Variants in CLYBL observed in about 807,000 individuals in gnomAD.
CLYBL encodes the protein citramalyl-CoA lyase, mitochondrial.
CLYBL carries 31 observed loss-of-function variants against 38.9 expected under a neutral mutation model. The observed-to-expected ratio is 0.80, with a 90% confidence interval of 0.60 to 1.08. The LOEUF (loss-of-function observed/expected upper bound fraction) is 1.08. CLYBL is among the 50% of genes least tolerant of loss of function. CLYBL has a pLI of 0.00. For missense variants in CLYBL, 434 were observed against 411.6 expected (o/e 1.05, Z -0.47); for synonymous variants, 171 against 158.6 (o/e 1.08, Z -0.59).
rs757176808 is a variant in CLYBL, at chr13:99,866,261, C to A, written c.656C>A (p.Thr219Asn). The A allele has an allele frequency of 8.1e-6, 13 of 1,613,746 alleles. No homozygotes were observed. Among genetic ancestry groups the A allele is most frequent in the Middle Eastern group, 3.3e-4 (2 of 5,984 alleles). ...ASIGATSSKE[T>N]LDILYARQKI... ...TCAGGTGCAACAAGTAGTAAAGAAACCCTGGATATTCTCTACGCCCGGCAA... is the reference window on the plus strand; with the variant it reads ...TCAGGTGCAACAAGTAGTAAAGAAAACCTGGATATTCTCTACGCCCGGCAA... Residue 219 changes from threonine (T) to asparagine (N), a missense_variant, in exon 6 of 9, where the codon ACC becomes AAC. Thr to Asn is a moderately conservative substitution (Grantham distance 65). Transcript: ENST00000339105.
intron 2 of CLYBL, among the ~76,000 whole-genome samples, chr13:99,816,980 C>A (rs1317477484): frequency 6.6e-6 from 1 of 152,160 alleles, no homozygotes; most frequent in East Asian, 1.9e-4. Context: ...TGGGATAATG[C>A]CTGACAAAGA....
downstream of CLYBL, among the ~76,000 whole-genome samples, chr13:99,897,858 A>G (rs1350596526): frequency 6.6e-6 from 1 of 152,032 alleles, no homozygotes; most frequent in Non-Finnish European, 1.5e-5. Flanking sequence ...GAGGCAGGAG[A>G]ATCGCTTGAC....
intron 2 of CLYBL, among the ~76,000 whole-genome samples, chr13:99,823,392 A>G (rs979214662): frequency 2.3e-4 from 35 of 152,224 alleles, no homozygotes; most frequent in Admixed American, 9.8e-4. Flanking sequence ...CAAATGCATT[A>G]TGCCACGTAT....
At chr13:99,712,697 A>G (rs2139498218) in intron 1 of CLYBL, among the ~76,000 whole-genome samples, 1 of 152,120 alleles carries the variant, frequency 6.6e-6, no homozygotes, top group East Asian at 1.9e-4. Context: ...CTCTTTGACA[A>G]AGTCGTCAAT....
chr13:99,826,438 G>A (rs1249153157), intron 2 of CLYBL, among the ~76,000 whole-genome samples: 1 of 152,182 alleles, frequency 6.6e-6, no homozygotes, highest in East Asian at 1.9e-4. Context: ...CTATGTATCT[G>A]TGTATCTCTT....
At chr13:99,656,511 G>A (rs1038770468) in intron 1 of CLYBL, among the ~76,000 whole-genome samples, 2 of 152,052 alleles carry the variant, frequency 1.3e-5, no homozygotes, top group African/African-American at 4.8e-5. Context: ...TAAAAACCTG[G>A]CAGAAATACC....
chr13:99,637,386 C>T (rs1301697906), intron 1 of CLYBL, among the ~76,000 whole-genome samples: 2 of 152,194 alleles, frequency 1.3e-5, no homozygotes, highest in African/African-American at 4.8e-5. Context: ...CTGTCAAATC[C>T]AGTCTTTCCA....
intron 2 of CLYBL, among the ~76,000 whole-genome samples, chr13:99,812,885 T>C (rs1004344647): frequency 1.3e-5 from 2 of 152,202 alleles, no homozygotes; most frequent in Non-Finnish European, 2.9e-5. Flanking sequence ...AGCTGTGATA[T>C]CACATACTGC....
intron 2 of CLYBL, among the ~76,000 whole-genome samples, chr13:99,840,782 G>A (rs1358286196): frequency 3.9e-5 from 2 of 51,254 alleles, no homozygotes; most frequent in Non-Finnish European, 7.6e-5. Context: ...AAAAAAAAAG[G>A]GTTACATATG....
At chr13:99,808,861 G>C (rs2050283771) in intron 2 of CLYBL, among the ~76,000 whole-genome samples, 1 of 152,104 alleles carries the variant, frequency 6.6e-6, no homozygotes, top group Non-Finnish European at 1.5e-5. Flanking sequence ...ATTTCACATT[G>C]ACAGCTCTGA....
intron 1 of CLYBL, among the ~76,000 whole-genome samples, chr13:99,675,162 C>G (rs1024823531): frequency 6.6e-6 from 1 of 152,168 alleles, no homozygotes; most frequent in Non-Finnish European, 1.5e-5. Context: ...TATTCCTCCT[C>G]TTCAGGGGCA....
rs1566606854 is a variant in CLYBL at position 99,676,240 on chromosome 13, T to TTC, written c.62+69483_62+69484insTC. 9.0e-3 allele frequency among the ~76,000 whole-genome samples: 756 copies of TTC among 84,186 alleles called. 13 individuals are homozygous for TTC. Among genetic ancestry groups the TTC allele is most frequent in the African/African-American group, 0.031 (697 of 22,720 alleles). 55.2% of individuals were successfully genotyped at this position (84,186 alleles called of 152,430 possible). On this transcript the variant is annotated intron_variant, in intron 1 of 8. Coordinates refer to ENST00000339105, the MANE Select transcript of CLYBL (RefSeq NM_206808.5). ...TCCTTCCTTCCTTCCTTCCTTCCTT[T>TTC]CCTCCCTTTCTTTTTCTTTTTCTAT...
At chr13:99,825,836 T>C (rs1482527589) in intron 2 of CLYBL, among the ~76,000 whole-genome samples, 3 of 152,216 alleles carry the variant, frequency 2.0e-5, no homozygotes, top group African/African-American at 7.2e-5. Context: ...AGAACCCGAA[T>C]AGACATCATC....
chr13:99,880,050 G>GTATATATATA (rs4001018), intron 7 of CLYBL, among the ~76,000 whole-genome samples: 259 of 97,570 alleles, frequency 2.7e-3, no homozygotes, highest in Middle Eastern at 0.02. Context: ...ATGTGTGTAT[G>GTATATATATA]TATATATATA....
At chr13:99,768,730 A>G (rs184194566) in intron 1 of CLYBL, among the ~76,000 whole-genome samples, 10 of 151,548 alleles carry the variant, frequency 6.6e-5, no homozygotes, top group East Asian at 3.9e-4. Flanking sequence ...CTAGGCTGGT[A>G]TCAAACTCTG....
At chr13:99,795,777 A>T (rs960604113) in intron 2 of CLYBL, among the ~76,000 whole-genome samples, 5 of 152,214 alleles carry the variant, frequency 3.3e-5, no homozygotes, top group Non-Finnish European at 5.9e-5. Context: ...TTTCCCAAAG[A>T]CTATTCAAGA....
chr13:99,631,331 ATGTGTG>A (rs10643696), intron 1 of CLYBL, among the ~76,000 whole-genome samples: 71 of 145,266 alleles, frequency 4.9e-4, no homozygotes, highest in African/African-American at 1.5e-3. Flanking sequence ...CCAAATATTT[ATGTGTG>A]TGTGTGTGTG....
Position 99,864,875 on chromosome 13 carries a change from G to A in CLYBL, c.598G>A (p.Val200Ile). 9.9e-6 allele frequency: 16 copies of A among 1,614,024 alleles called. No homozygotes were observed. The highest frequency in any genetic ancestry group is 1.3e-5 in the Non-Finnish European group (15 of 1,179,944). ...GPQVGLFLDA[V>I]VFGGEDFRAS... The stretch of plus-strand genomic sequence containing the variant: ...TCAAGTAGGTCTCTTTCTAGATGCA[G>A]TCGTTTTTGGAGGAGAAGACTTTCG... The change falls in exon 5 of 9, where the codon GTC becomes ATC. Residue 200 changes from valine (V) to isoleucine (I), a missense_variant. By Grantham distance (29) the Val-to-Ile change is conservative. Coordinates refer to ENST00000339105, the MANE Select transcript of CLYBL (RefSeq NM_206808.5).
At chr13:99,615,126 A>G (rs1042103776) in intron 1 of CLYBL, among the ~76,000 whole-genome samples, 1 of 152,220 alleles carries the variant, frequency 6.6e-6, no homozygotes, top group Non-Finnish European at 1.5e-5. Context: ...GTGCCAAGAC[A>G]TGACCCATAT....
Sources: allele counts gnomAD v4.1 joint callset (sites outside exome capture counted in the v4.1 genomes callset), GRCh38; gene constraint gnomAD v4.1.1; transcripts MANE v1.5; gene names NCBI Gene and HGNC (gene_info 2026-07-23, HGNC 2026-07-21).